The following SMURF2 variants were observed in gnomAD, a reference collection of about 807,000 sequenced individuals.
SMURF2 encodes the protein E3 ubiquitin-protein ligase SMURF2.
A neutral mutation model predicts 109.6 loss-of-function variants in SMURF2; 48 were observed. The ratio of observed to expected loss-of-function variants is 0.44; its 90% CI spans 0.35 to 0.56. The LOEUF is 0.56. SMURF2 is among the 20% of genes least tolerant of loss of function. The pLI, the probability that SMURF2 is intolerant of heterozygous loss-of-function variation, is 0.01. For missense variants in SMURF2, 575 were observed against 909.0 expected (o/e 0.63, Z 4.72); for synonymous variants, 288 against 317.1 (o/e 0.91, Z 0.97).
chr17:64,616,330 TAG>T (rs1555690093), intron 1 of SMURF2, among the ~76,000 whole-genome samples: 1 of 152,100 alleles, frequency 6.6e-6, no homozygotes, highest in East Asian at 1.9e-4. Context: ...GATTCAGGCA[TAG>T]AGACTTACCA....
intron 1 of SMURF2, among the ~76,000 whole-genome samples, chr17:64,627,900 C>G (rs185119146): frequency 6.7e-4 from 102 of 152,330 alleles, no homozygotes; most frequent in African/African-American, 2.3e-3. Context: ...CCATCCCTGA[C>G]AGCGCGCTTA....
chr17:64,558,179 C>T (rs1383659250), intron 12 of SMURF2, among the ~76,000 whole-genome samples: 6 of 152,170 alleles, frequency 3.9e-5, no homozygotes, highest in Non-Finnish European at 8.8e-5. Flanking sequence ...ACAGGTGGTT[C>T]GCTTGTGCTC....
intron 13 of SMURF2, among the ~76,000 whole-genome samples, 170 bp from the exon 14 acceptor site, chr17:64,556,168 C>T (rs1446260712): frequency 1.3e-5 from 2 of 152,088 alleles, no homozygotes; most frequent in African/African-American, 4.8e-5. Flanking sequence ...GTCTCTAGAT[C>T]ACCAGAGAAC....
intron 1 of SMURF2, among the ~76,000 whole-genome samples, chr17:64,617,392 T>C (rs1353150864): frequency 6.6e-6 from 1 of 152,196 alleles, no homozygotes; most frequent in Non-Finnish European, 1.5e-5. Context: ...TGATGATGTA[T>C]TAAAAGATAC....
At chr17:64,628,374 C>T (rs1555691325) in intron 1 of SMURF2, among the ~76,000 whole-genome samples, 1 of 152,138 alleles carries the variant, frequency 6.6e-6, no homozygotes, top group African/African-American at 2.4e-5. Context: ...TCTATGTATA[C>T]ATTTTCTATC....
chr17:64,559,975 A>G (rs1179937620), intron 12 of SMURF2, among the ~76,000 whole-genome samples: 1 of 151,486 alleles, frequency 6.6e-6, no homozygotes, highest in Non-Finnish European at 1.5e-5. Flanking sequence ...GATGGTCTCA[A>G]TCTCTTGACC....
chr17:64,552,869 A>G lies in SMURF2; in HGVS notation c.1749-1165T>C, dbSNP rs147737181. On this transcript the variant is annotated intron_variant, in intron 15 of 18. Transcript: ENST00000262435. ...CAGGTGCCTGCCAACACGCTTAGCT[A>G]ATTTTTGTATTTTTAGTAGAGACAA... 2.1e-3 allele frequency among the ~76,000 whole-genome samples: 322 copies of G among 152,058 alleles called. 1 individual carries two copies. Among genetic ancestry groups the G allele is most frequent in the African/African-American group, 7.5e-3 (312 of 41,472 alleles).
At position 64,571,784 on chromosome 17, in the gene SMURF2, T is replaced by C; in HGVS notation, c.1016+14A>G. On this transcript the variant is annotated intron_variant, in intron 10 of 18. Transcript: ENST00000262435. The stretch of plus-strand genomic sequence containing the variant: ...TTAACTCCCATTTTAACATGTATTG[T>C]TTCAAAAACTTACTTTAAAACTAAA... The C allele has an allele frequency of 5.6e-6, 9 of 1,600,722 alleles. No homozygotes were observed. Among genetic ancestry groups the C allele is most frequent in the Non-Finnish European group, 7.7e-6 (9 of 1,173,640 alleles).
intron 1 of SMURF2, among the ~76,000 whole-genome samples, chr17:64,612,831 T>C (rs1275347458): frequency 6.6e-6 from 1 of 152,184 alleles, no homozygotes; most frequent in Non-Finnish European, 1.5e-5. Flanking sequence ...CAAAGAACTT[T>C]AAAATCAAGT....
intron 10 of SMURF2, among the ~76,000 whole-genome samples, chr17:64,565,790 A>G (rs1428214057): frequency 2.0e-5 from 3 of 152,152 alleles, no homozygotes; most frequent in African/African-American, 7.2e-5. Flanking sequence ...GGTAAGTGCA[A>G]AATAAATATC....
chr17:64,614,140 G>A (rs1007477659), intron 1 of SMURF2, among the ~76,000 whole-genome samples: 1 of 152,130 alleles, frequency 6.6e-6, no homozygotes, highest in Non-Finnish European at 1.5e-5. Context: ...CTCATCTCCT[G>A]CTGTGCAGCC....
At position 64,580,869 on chromosome 17, in the gene SMURF2, C is replaced by G. The variant is rs1470645863; in HGVS notation, c.692G>C (p.Arg231Thr). Residue 231 changes from arginine to threonine, a missense_variant, in exon 8 of 19, where the codon AGG becomes ACG. Physicochemically the swap from Arg to Thr is moderately conservative, Grantham distance 71 (BLOSUM62 -1). Transcript: ENST00000262435. The stretch of plus-strand genomic sequence containing the variant: ...TCTATGTCGTTGTGACCTGACTCTC[C>G]TCTCTGCCAGCCTGGGATCTGAAGA... ...GQSSDPRLAE[R>T]RVRSQRHRNY... 17 of 1,614,056 alleles carry G rather than the reference C, an allele frequency of 1.1e-5. No homozygotes were observed. Among genetic ancestry groups the G allele is most frequent in the Non-Finnish European group, 1.4e-5 (17 of 1,180,040 alleles).
intron 6 of SMURF2, among the ~76,000 whole-genome samples, 197 bp from the exon 7 acceptor site, chr17:64,583,741 A>C (rs782701382): frequency 6.6e-6 from 1 of 152,202 alleles, no homozygotes; most frequent in Non-Finnish European, 1.5e-5. Context: ...TAAAGTATTT[A>C]TGCTGAGGTG....
chr17:64,553,522 CAAAACAA>C (rs1357931017), intron 15 of SMURF2, among the ~76,000 whole-genome samples: 1 of 150,794 alleles, frequency 6.6e-6, no homozygotes, highest in East Asian at 2.0e-4. Flanking sequence ...CCCAAAAAAA[CAAAACAA>C]AAAACAAAAA....
rs138301543 is a variant in SMURF2 at position 64,548,013 on chromosome 17, A to C, written c.1870-212T>G. Among the ~76,000 whole-genome samples the C allele has an allele frequency of 2.9e-3, 447 of 152,274 alleles. 1 individual carries two copies. The highest frequency in any genetic ancestry group is 1.0e-2 in the African/African-American group (415 of 41,552). ...CTGTGCACCTGGGGTGACAGTTGGG[A>C]TCTATATTTTAAAAAGCTCCAGAGA... On this transcript the variant is annotated intron_variant, in intron 16 of 18. Coordinates refer to ENST00000262435, the MANE Select transcript of SMURF2 (RefSeq NM_022739.4).
At chr17:64,561,643 C>T (rs782330952) in intron 11 of SMURF2, 40 bp from the exon 12 acceptor site, 9 of 1,427,366 alleles carry the variant, frequency 6.3e-6, no homozygotes, top group Non-Finnish European at 8.7e-6. Context: ...ACTATTAGGT[C>T]CTTTTAGCCT....
rs1970792810 is a variant in SMURF2 at position 64,662,156 on chromosome 17, C to T, written c.-276G>A. ...GCGCCGCCTCCGCCCGCGCCCCCGCCGCCTCCTCGCGGCCGCCGAGGCCTT... is the reference window on the plus strand; with the variant it reads ...GCGCCGCCTCCGCCCGCGCCCCCGCTGCCTCCTCGCGGCCGCCGAGGCCTT... On this transcript the variant is annotated 5_prime_UTR_variant, in exon 1 of 19. Transcript: ENST00000262435. The T allele has an allele frequency of 1.6e-5, 17 of 1,034,050 alleles. No individual in the cohort carries two copies. Among genetic ancestry groups the T allele is most frequent in the South Asian group, 1.3e-4 (3 of 22,572 alleles). 64.1% of individuals were successfully genotyped at this position (1,034,050 alleles called of 1,614,324 possible). A position where few individuals can be genotyped will look rare whatever the true frequency, so the allele number is the denominator to read the frequency against.
rs990410258 is a variant in SMURF2, at chr17:64,549,235, C to T, written c.1870-1434G>A. ...TTGTAGGGAGCTGAGATCCCATCAG[C>T]CTGGGGGACAAGTGAGACTGTGTCT... is the stretch of plus-strand genomic sequence containing the variant. On this transcript the variant is annotated intron_variant, in intron 16 of 18. Coordinates refer to ENST00000262435, the MANE Select transcript of SMURF2 (RefSeq NM_022739.4). Among the ~76,000 whole-genome samples, 3 of 136,104 alleles carry T rather than the reference C, an allele frequency of 2.2e-5. 1 individual carries two copies. The South Asian group carries it at 6.8e-4, about 31-fold the overall frequency. The allele number at this position is 136,104 out of a possible 152,430, so 89.3% of individuals were successfully genotyped here.
chr17:64,649,411 C>T (rs1161575341), intron 1 of SMURF2, among the ~76,000 whole-genome samples: 2 of 152,132 alleles, frequency 1.3e-5, no homozygotes, highest in African/African-American at 4.8e-5. Flanking sequence ...AATCTACAAT[C>T]CAACTCCAAA....
Sources: gnomAD v4.1 joint callset for allele counts (sites outside exome capture counted in the v4.1 genomes callset) on GRCh38, gnomAD v4.1.1 for gene constraint, MANE v1.5 for transcripts, NCBI Gene and HGNC (gene_info 2026-07-23, HGNC 2026-07-21) for gene names.